GRID1: variants seen among roughly 807,000 people sequenced by gnomAD.
The protein encoded by GRID1 is glutamate ionotropic receptor delta type subunit 1.
Under a neutral mutation model 98.0 loss-of-function variants are expected in GRID1, and 28 were observed. The observed-to-expected ratio is 0.29, with a 90% confidence interval of 0.21 to 0.39. GRID1 has a LOEUF of 0.39. GRID1 is among the 10% of genes least tolerant of loss of function. The pLI is 1.00. For missense variants in GRID1, 1,111 were observed against 1,340.5 expected (o/e 0.83, Z 2.67); for synonymous variants, 553 against 538.5 (o/e 1.03, Z -0.37).
chr10:85,868,938 T>G, intron 6 of GRID1, 72 bp downstream of exon 6: 1 of 1,332,152 alleles, frequency 7.5e-7, no homozygotes, highest in Admixed American at 1.8e-5. Context: ...GGCCCCCACA[T>G]GTCTCCCTTG....
At chr10:85,958,278 A>C (rs1368821223) in intron 4 of GRID1, among the ~76,000 whole-genome samples, 1 of 152,224 alleles carries the variant, frequency 6.6e-6, no homozygotes, top group Non-Finnish European at 1.5e-5. Context: ...GGTAAGTCAC[A>C]AACTACCTGC....
At chr10:85,887,886 G>A (rs1242141513) in intron 5 of GRID1, among the ~76,000 whole-genome samples, 1 of 152,000 alleles carries the variant, frequency 6.6e-6, no homozygotes, top group Non-Finnish European at 1.5e-5. Context: ...AACCTTTGAT[G>A]CCCATCAAAG....
intron 4 of GRID1, among the ~76,000 whole-genome samples, chr10:85,930,046 T>TTACA (rs1306768749): frequency 6.6e-6 from 1 of 152,232 alleles, no homozygotes; most frequent in Non-Finnish European, 1.5e-5. Context: ...CTAAGCCAAA[T>TTACA]AGTAGACTAT....
At chr10:85,779,520 G>T (rs1347105353) in intron 8 of GRID1, among the ~76,000 whole-genome samples, 1 of 152,082 alleles carries the variant, frequency 6.6e-6, no homozygotes, top group East Asian at 1.9e-4. Context: ...CCCAGGTAAC[G>T]ATAGACTCCT....
intron 4 of GRID1, among the ~76,000 whole-genome samples, chr10:86,063,889 C>A (rs1456653714): frequency 6.6e-6 from 1 of 152,270 alleles, no homozygotes. Flanking sequence ...TAGCTACTGT[C>A]AGGCCTAAGT....
At chr10:86,227,772 C>T (rs1398179027) in intron 2 of GRID1, among the ~76,000 whole-genome samples, 1 of 152,196 alleles carries the variant, frequency 6.6e-6, no homozygotes, top group Non-Finnish European at 1.5e-5. Context: ...TGGCCATCCT[C>T]CCTCCATCAT....
chr10:86,315,918 G>A (rs1261705873), intron 2 of GRID1, among the ~76,000 whole-genome samples: 1 of 151,798 alleles, frequency 6.6e-6, no homozygotes, highest in Non-Finnish European at 1.5e-5. Context: ...ACTCAGCCAG[G>A]TTTTCATCTA....
chr10:85,879,002 CA>C (rs1222907007), intron 5 of GRID1, among the ~76,000 whole-genome samples: 2 of 151,224 alleles, frequency 1.3e-5, no homozygotes, highest in Non-Finnish European at 3.0e-5. Flanking sequence ...TTTAAACCAA[CA>C]AAGATCAAAA....
chr10:86,003,935 A>G (rs1215417415), intron 4 of GRID1, among the ~76,000 whole-genome samples: 1 of 152,234 alleles, frequency 6.6e-6, no homozygotes, highest in African/African-American at 2.4e-5. Flanking sequence ...AAGCAACAGG[A>G]TACTGTTCAC....
chr10:86,211,994 A>G (rs1245523286), intron 2 of GRID1, among the ~76,000 whole-genome samples: 1 of 152,126 alleles, frequency 6.6e-6, no homozygotes, highest in Non-Finnish European at 1.5e-5. Context: ...TTGACTCATC[A>G]AGTCACTGGG....
chr10:86,206,307 C>A lies in GRID1; in HGVS notation c.520+57G>T. On this transcript the variant is annotated intron_variant, in intron 3 of 15. Coordinates refer to ENST00000327946, the MANE Select transcript of GRID1 (RefSeq NM_017551.3). The surrounding 1 kb of genome is among the most constrained non-coding windows in gnomAD (Gnocchi z 4.1). Reference sequence around the variant, plus strand: ...GGGCCCCACCCACTCTCAGGTCTCCCAGCATCTGGCCATCCCTGTCCCCAA... The same window carrying A: ...GGGCCCCACCCACTCTCAGGTCTCCAAGCATCTGGCCATCCCTGTCCCCAA... 6.5e-7 allele frequency: 1 copy of A among 1,529,938 alleles called. No individual in the cohort carries two copies. Among genetic ancestry groups the A allele is most frequent in the Non-Finnish European group, 8.9e-7 (1 of 1,129,734 alleles). The allele number at this position is 1,529,938 out of a possible 1,614,324, so 94.8% of individuals were successfully genotyped here.
intron 4 of GRID1, among the ~76,000 whole-genome samples, chr10:86,028,724 C>G (rs936479053): frequency 6.6e-6 from 1 of 152,046 alleles, no homozygotes; most frequent in Non-Finnish European, 1.5e-5. Flanking sequence ...TCTGAAAAGC[C>G]ACCTGGTAGG....
At chr10:86,175,873 C>G (rs935302114) in intron 3 of GRID1, among the ~76,000 whole-genome samples, 2 of 152,210 alleles carry the variant, frequency 1.3e-5, no homozygotes, top group African/African-American at 4.8e-5. Flanking sequence ...CCATGCCTGG[C>G]TAATTTTGTA....
At chr10:85,669,127 A>T (rs1841056364) in intron 12 of GRID1, among the ~76,000 whole-genome samples, 1 of 152,222 alleles carries the variant, frequency 6.6e-6, no homozygotes, top group Non-Finnish European at 1.5e-5. Flanking sequence ...ACCAGGCCTG[A>T]CTTGTCTTCC....
chr10:86,270,641 G>C (rs951064915), intron 2 of GRID1, among the ~76,000 whole-genome samples: 2 of 152,130 alleles, frequency 1.3e-5, no homozygotes, highest in South Asian at 2.1e-4. Context: ...AGTGAGCCGA[G>C]ATTGTGCCAC....
In GRID1 at chr10:86,195,566, C is replaced by G. The variant is rs528227584; in HGVS notation, c.520+10798G>C. ...GACAATGCAACCTGAAACAATCAAA[C>G]CAAAAATCAGAGGCAGCGTGCCAGG... On this transcript the variant is annotated intron_variant, in intron 3 of 15. Transcript: ENST00000327946. This position sits in a 1 kb window ranked among gnomAD's most constrained non-coding sequence, Gnocchi z 4.4. 7.9e-5 allele frequency among the ~76,000 whole-genome samples: 12 copies of G among 152,228 alleles called. No individual in the cohort carries two copies. In the South Asian group the frequency reaches 2.3e-3, roughly 29 times the overall value.
rs139082901 is a variant in GRID1 at position 85,762,150 on chromosome 10, A to G, written c.1234-32536T>C. Among the ~76,000 whole-genome samples the G allele has an allele frequency of 5.9e-5, 9 of 152,288 alleles. No individual in the cohort carries two copies. In the East Asian group the frequency reaches 1.7e-3, roughly 29 times the overall value. On this transcript the variant is annotated intron_variant, in intron 8 of 15. Transcript: ENST00000327946. Reference sequence around the variant, plus strand: ...GTACAATTTTGCACCGCATTCCTCTATCAAGGGCTCATGCTGGAGCAGTCC... The same window carrying G: ...GTACAATTTTGCACCGCATTCCTCTGTCAAGGGCTCATGCTGGAGCAGTCC...
intron 2 of GRID1, among the ~76,000 whole-genome samples, chr10:86,286,264 G>A (rs80006203): frequency 6.1e-4 from 93 of 152,306 alleles, no homozygotes; most frequent in African/African-American, 2.2e-3. Flanking sequence ...ATTTACAGAT[G>A]AGGAAACAAG....
At chr10:85,795,162 C>G (rs1217549222) in intron 8 of GRID1, among the ~76,000 whole-genome samples, 3 of 152,150 alleles carry the variant, frequency 2.0e-5, no homozygotes, top group African/African-American at 7.2e-5. Context: ...GACAGGACAG[C>G]CTCGCCACTC....
Sources: gnomAD v4.1 joint callset for allele counts (sites outside exome capture counted in the v4.1 genomes callset) on GRCh38, gnomAD v4.1.1 for gene constraint, Gnocchi (gnomAD v3.1) non-coding constraint, MANE v1.5 for transcripts, NCBI Gene and HGNC (gene_info 2026-07-23, HGNC 2026-07-21) for gene names.